Variants in WDR7 observed in about 807,000 individuals in gnomAD.
The protein encoded by WDR7 is WD repeat domain 7, also known as WD repeat-containing protein 7.
Under a neutral mutation model 169.4 loss-of-function variants are expected in WDR7, and 46 were observed. The observed-to-expected ratio is 0.27, with a 90% CI of 0.21 to 0.35. WDR7 has a LOEUF of 0.35. Ranked by LOEUF, WDR7 falls within the 10% of genes least tolerant of loss-of-function variation. The probability of loss-of-function intolerance (pLI) is 1.00; values close to 1 mark genes in which losing one functional copy is unlikely to be tolerated. For synonymous variants in WDR7, 612 were observed against 666.8 expected (o/e 0.92, Z 1.27); for missense variants, 1,534 against 1,859.3 (o/e 0.83, Z 3.22).
At chr18:56,946,977 A>G (rs1243958597) in intron 25 of WDR7, among the ~76,000 whole-genome samples, 1 of 152,196 alleles carries the variant, frequency 6.6e-6, no homozygotes. Flanking sequence ...AATATTTCCT[A>G]ATAATTCACA....
chr18:57,023,155 A>G (rs2048314014), intron 27 of WDR7, among the ~76,000 whole-genome samples: 1 of 152,232 alleles, frequency 6.6e-6, no homozygotes, highest in African/African-American at 2.4e-5. Flanking sequence ...AATGCAATGA[A>G]ATCTCTTCCA....
chr18:56,880,212 ATTAT>A (rs749596309), intron 21 of WDR7, 47 bp downstream of exon 21: 2 of 1,547,782 alleles, frequency 1.3e-6, no homozygotes, highest in East Asian at 2.3e-5. Flanking sequence ...CTGAATACAT[ATTAT>A]TTGTCAGCAA....
chr18:56,989,412 G>C (rs1599223984), intron 26 of WDR7, among the ~76,000 whole-genome samples: 1 of 152,104 alleles, frequency 6.6e-6, no homozygotes, highest in Non-Finnish European at 1.5e-5. Context: ...TTTCTTTGAT[G>C]GTCTTTTTTA....
At chr18:56,820,682 T>C (rs540224266) in intron 20 of WDR7, among the ~76,000 whole-genome samples, 1 of 152,292 alleles carries the variant, frequency 6.6e-6, no homozygotes, top group East Asian at 1.9e-4. Context: ...TCTAATTCTT[T>C]ACAGCTGTGT....
At chr18:56,833,634 A>G (rs1289007999) in intron 20 of WDR7, among the ~76,000 whole-genome samples, 1 of 152,214 alleles carries the variant, frequency 6.6e-6, no homozygotes, top group African/African-American at 2.4e-5. Flanking sequence ...TTTGGTGTAG[A>G]GAATATTAGT....
chr18:56,719,389 C>A (rs933837271), intron 13 of WDR7, among the ~76,000 whole-genome samples: 2 of 151,986 alleles, frequency 1.3e-5, no homozygotes, highest in East Asian at 3.9e-4. Context: ...CTTGAAACCC[C>A]GTTTCTACTA....
intron 20 of WDR7, among the ~76,000 whole-genome samples, chr18:56,875,802 C>T (rs1442977378): frequency 6.6e-6 from 1 of 152,168 alleles, no homozygotes; most frequent in Non-Finnish European, 1.5e-5. Context: ...ATAATCCAGG[C>T]ATACACAAGA....
intron 13 of WDR7, among the ~76,000 whole-genome samples, chr18:56,725,770 G>A (rs1474545801): frequency 6.6e-6 from 1 of 152,094 alleles, no homozygotes; most frequent in Non-Finnish European, 1.5e-5. Context: ...TTTTCTTCTA[G>A]GGTTTTTATG....
chr18:56,766,629 A>G (rs899069650), intron 16 of WDR7, among the ~76,000 whole-genome samples: 3 of 151,922 alleles, frequency 2.0e-5, no homozygotes, highest in Non-Finnish European at 2.9e-5. Flanking sequence ...GGCTGCAGCA[A>G]TTTTCCCTGT....
intron 14 of WDR7, chr18:56,753,312 A>T (rs1017436752): frequency 6.6e-6 from 1 of 152,182 alleles, no homozygotes; most frequent in Non-Finnish European, 1.5e-5. Flanking sequence ...AAACACCACT[A>T]CACTTGGACC....
intron 19 of WDR7, among the ~76,000 whole-genome samples, chr18:56,815,717 A>C (rs2044955320): frequency 1.3e-5 from 2 of 152,256 alleles, no homozygotes; most frequent in African/African-American, 4.8e-5. Context: ...TGTCAAAATC[A>C]GCCAAAGTAA....
chr18:56,876,279 A>T (rs1180812190), intron 20 of WDR7, among the ~76,000 whole-genome samples: 1 of 152,194 alleles, frequency 6.6e-6, no homozygotes, highest in Non-Finnish European at 1.5e-5. Flanking sequence ...CAAAGAACTG[A>T]AAGCGGCCAG....
chr18:56,928,449 A>G (rs1281735232), intron 22 of WDR7, among the ~76,000 whole-genome samples: 4 of 152,240 alleles, frequency 2.6e-5, no homozygotes, highest in African/African-American at 9.6e-5. Flanking sequence ...TGGGTGACAG[A>G]ACAAGACCTT....
At chr18:56,715,821 G>A (rs1303289893) in intron 12 of WDR7, among the ~76,000 whole-genome samples, 1 of 152,084 alleles carries the variant, frequency 6.6e-6, no homozygotes, top group African/African-American at 2.4e-5. Context: ...TCTTTGATGA[G>A]GGCAATAAAT....
intron 19 of WDR7, among the ~76,000 whole-genome samples, chr18:56,793,631 A>G (rs1479532957): frequency 6.6e-6 from 1 of 152,242 alleles, no homozygotes; most frequent in South Asian, 2.1e-4. Context: ...TTCTGCACAT[A>G]CTTGCTTTTT....
chr18:56,906,599 A>C (rs2046480133), intron 21 of WDR7, among the ~76,000 whole-genome samples: 1 of 149,178 alleles, frequency 6.7e-6, no homozygotes, highest in Admixed American at 6.8e-5. Context: ...GCTGGAATGC[A>C]ATGGCATGAT....
chr18:57,007,915 C>T (rs992350655), intron 26 of WDR7, among the ~76,000 whole-genome samples: 4 of 152,100 alleles, frequency 2.6e-5, no homozygotes, highest in African/African-American at 9.7e-5. Flanking sequence ...TGCTGTGTAC[C>T]AGGAACAGGG....
chr18:56,702,773 A>T (rs2025861320), intron 12 of WDR7, among the ~76,000 whole-genome samples: 1 of 152,218 alleles, frequency 6.6e-6, no homozygotes, highest in African/African-American at 2.4e-5. Flanking sequence ...ACCCTGGTTT[A>T]CTTTTGAGAG....
intron 7 of WDR7, among the ~76,000 whole-genome samples, chr18:56,689,262 A>C (rs2025512832): frequency 6.6e-6 from 1 of 151,938 alleles, no homozygotes; most frequent in Admixed American, 6.6e-5. Flanking sequence ...TTTTATTTTT[A>C]ATTTTGTCTG....
Sources: allele counts gnomAD v4.1 joint callset (sites outside exome capture counted in the v4.1 genomes callset), GRCh38; gene constraint gnomAD v4.1.1; transcripts MANE v1.5; gene names NCBI Gene and HGNC (gene_info 2026-07-23, HGNC 2026-07-21).